Variants in NEK10 observed in about 807,000 individuals in gnomAD.
NEK10 encodes serine/threonine-protein kinase Nek10.
NEK10 carries 122 observed loss-of-function variants against 159.8 expected under a neutral mutation model. The ratio of observed to expected loss-of-function variants is 0.76; its 90% CI spans 0.66 to 0.89. The LOEUF is 0.89. Among genes scored for constraint, NEK10 ranks in the 40% least tolerant of loss-of-function variants. The pLI, the probability that NEK10 is intolerant of heterozygous loss-of-function variation, is 0.00. For missense variants in NEK10, 1,342 were observed against 1,323.1 expected (o/e 1.01, Z -0.22); for synonymous variants, 466 against 457.1 (o/e 1.02, Z -0.25).
In NEK10 at chr3:27,174,481, A is replaced by C. The variant is rs775337352; in HGVS notation, c.2734T>G (p.Ser912Ala). 7 of 1,612,398 alleles carry C rather than the reference A, an allele frequency of 4.3e-6. No homozygotes were observed. In the African/African-American group the frequency reaches 9.4e-5, roughly 22 times the overall value. Reference sequence around the variant, plus strand: ...AGAGGGCTTGAACTGGAGCTGCTGGAGTTATCCGAAATGTCCAATTCATCA... The same window carrying C: ...AGAGGGCTTGAACTGGAGCTGCTGGCGTTATCCGAAATGTCCAATTCATCA... ...VDDELDISDN[S>A]SSSSSSPLKE... is the part of the protein sequence containing the mutation. Residue 912 changes from serine to alanine, a missense_variant, in exon 28 of 36, where the codon TCC becomes GCC. By Grantham distance (99) the Ser-to-Ala change is moderately conservative. Transcript: ENST00000691995.
chr3:27,234,760 GCTA>G (rs1559662081), intron 23 of NEK10, among the ~76,000 whole-genome samples: 2 of 151,838 alleles, frequency 1.3e-5, no homozygotes, highest in Non-Finnish European at 2.9e-5. Context: ...ACTAGAAAAA[GCTA>G]TTTTAAAATT....
At chr3:27,118,438 A>T (rs1471007894) in intron 33 of NEK10, among the ~76,000 whole-genome samples, 2 of 152,234 alleles carry the variant, frequency 1.3e-5, no homozygotes, top group Non-Finnish European at 2.9e-5. Context: ...TGCCAATTCA[A>T]ATAGAGAAGA....
intron 23 of NEK10, among the ~76,000 whole-genome samples, chr3:27,236,882 A>T (rs1953975459): frequency 6.6e-6 from 1 of 152,138 alleles, no homozygotes; most frequent in Non-Finnish European, 1.5e-5. Flanking sequence ...AACCAGTCTG[A>T]TCTCAAATTT....
intron 1 of NEK10, among the ~76,000 whole-genome samples, chr3:27,367,203 A>G (rs55724611): frequency 0.057 from 8,706 of 152,238 alleles, 492 homozygotes; most frequent in African/African-American, 0.15. Context: ...AAAGAATCCT[A>G]TGAGCTAGGT....
intron 23 of NEK10, among the ~76,000 whole-genome samples, chr3:27,206,205 C>G (rs1575242667): frequency 6.6e-6 from 1 of 152,196 alleles, no homozygotes; most frequent in Non-Finnish European, 1.5e-5. Flanking sequence ...TCTTGAAACA[C>G]TGCTATGTTT....
At chr3:27,260,609 G>C (rs929661791) in intron 22 of NEK10, among the ~76,000 whole-genome samples, 15 of 152,126 alleles carry the variant, frequency 9.9e-5, no homozygotes, top group Admixed American at 3.9e-4. Flanking sequence ...ATGTGCTGCT[G>C]GATTTGGTTT....
At chr3:27,154,219 T>C (rs539079133) in intron 30 of NEK10, among the ~76,000 whole-genome samples, 1 of 152,282 alleles carries the variant, frequency 6.6e-6, no homozygotes, top group East Asian at 1.9e-4. Context: ...GATAAATTCC[T>C]AGAAAAATAC....
chr3:27,322,529 T>G (rs566025625), intron 5 of NEK10, among the ~76,000 whole-genome samples: 2 of 152,306 alleles, frequency 1.3e-5, no homozygotes, highest in South Asian at 4.1e-4. Context: ...CATAGTACCC[T>G]AAGATCAAAC....
chr3:27,188,809 G>A (rs765710851), intron 26 of NEK10, among the ~76,000 whole-genome samples: 2 of 152,140 alleles, frequency 1.3e-5, no homozygotes, highest in African/African-American at 2.4e-5. Flanking sequence ...TCCAGGTTTT[G>A]TCAGGCTGAA....
intron 32 of NEK10, 65 bp from the exon 33 acceptor site, chr3:27,119,933 G>T: frequency 1.6e-6 from 2 of 1,222,470 alleles, no homozygotes; most frequent in Non-Finnish European, 2.4e-6. Flanking sequence ...GGAGACCTCT[G>T]TGTGGGGTTT....
At chr3:27,318,461 T>G (rs2045374384) in intron 6 of NEK10, among the ~76,000 whole-genome samples, 1 of 152,238 alleles carries the variant, frequency 6.6e-6, no homozygotes, top group Non-Finnish European at 1.5e-5. Context: ...GAGCTTTGTT[T>G]ACATGGGTTA....
At chr3:27,264,165 C>T (rs1052747983) in intron 22 of NEK10, among the ~76,000 whole-genome samples, 5 of 152,052 alleles carry the variant, frequency 3.3e-5, no homozygotes, top group Admixed American at 3.3e-4. Context: ...CAAGACACTG[C>T]CAATATAGAA....
chr3:27,235,077 A>C (rs993038964), intron 23 of NEK10, among the ~76,000 whole-genome samples: 1 of 152,168 alleles, frequency 6.6e-6, no homozygotes, highest in African/African-American at 2.4e-5. Flanking sequence ...GAAAATTGAA[A>C]CTGAACCCCT....
At chr3:27,200,952 A>G (rs1434700054) in intron 25 of NEK10, among the ~76,000 whole-genome samples, 1 of 152,186 alleles carries the variant, frequency 6.6e-6, no homozygotes, top group African/African-American at 2.4e-5. Context: ...GGGAGGGAGC[A>G]TGGGTGACAG....
At chr3:27,222,039 A>G (rs13096403) in intron 23 of NEK10, among the ~76,000 whole-genome samples, 35,822 of 152,150 alleles carry the variant, frequency 0.24, 4,600 homozygotes, top group Middle Eastern at 0.39. Context: ...AGTAGGATGA[A>G]GAGGAGCCTT....
chr3:27,161,062 G>A (rs1481734022), intron 30 of NEK10, among the ~76,000 whole-genome samples: 2 of 152,152 alleles, frequency 1.3e-5, no homozygotes, highest in African/African-American at 4.8e-5. Flanking sequence ...TAAAGGTCCA[G>A]AGATCTGATC....
At chr3:27,277,563 C>A (rs2041861116) in intron 22 of NEK10, among the ~76,000 whole-genome samples, 1 of 152,152 alleles carries the variant, frequency 6.6e-6, no homozygotes, top group Non-Finnish European at 1.5e-5. Flanking sequence ...ACATCAAACA[C>A]CTTGATAGTT....
chr3:27,192,448 C>A (rs907685460), intron 25 of NEK10, among the ~76,000 whole-genome samples: 6 of 152,122 alleles, frequency 3.9e-5, no homozygotes, highest in African/African-American at 1.4e-4. Context: ...AAGGAGTCAG[C>A]GTTATTCTCT....
At chr3:27,197,649 A>G (rs866524644) in intron 25 of NEK10, among the ~76,000 whole-genome samples, 1 of 152,122 alleles carries the variant, frequency 6.6e-6, no homozygotes, top group South Asian at 2.1e-4. Context: ...AGTTGTTTAT[A>G]AGCTTAAGGA....
Sources: gnomAD v4.1 joint callset for allele counts (sites outside exome capture counted in the v4.1 genomes callset) on GRCh38, gnomAD v4.1.1 for gene constraint, MANE v1.5 for transcripts, NCBI Gene and HGNC (gene_info 2026-07-23, HGNC 2026-07-21) for gene names.